The following DMP1 variants were observed in gnomAD, a reference collection of about 807,000 sequenced individuals.
The protein encoded by DMP1 is dentin matrix protein 1.
A neutral mutation model predicts 14.6 loss-of-function variants in DMP1; 20 were observed. The observed-to-expected ratio is 1.37, with a 90% CI of 0.96 to 1.99. The LOEUF is 1.99. Ranked by LOEUF, DMP1 falls within the 30% of genes most tolerant of loss-of-function variation. The pLI is 0.00. For synonymous variants in DMP1, 197 were observed against 215.3 expected (o/e 0.91, Z 0.75); for missense variants, 567 against 620.5 (o/e 0.91, Z 0.92).
In DMP1 at chr4:87,663,396, T is replaced by G; in HGVS notation, c.*76T>G. ...GAAAATGTATCATGATAACTATAAT[T>G]TATTGATGTTTTGATCAAAAGAATA... On this transcript the variant is annotated 3_prime_UTR_variant, in exon 6 of 6. Coordinates refer to ENST00000339673, the MANE Select transcript of DMP1 (RefSeq NM_004407.4). 1 of 1,603,788 alleles carries G rather than the reference T, an allele frequency of 6.2e-7. No homozygotes were observed. The highest frequency in any genetic ancestry group is 8.5e-7 in the Non-Finnish European group (1 of 1,172,366).
rs762700965 is a variant in DMP1, at chr4:87,663,107, G to C, written c.1329G>C (p.Gln443His). ...LQSHSSSAES[Q>H]SEESHSEEDD... ...CTCACAGCAGCTCAGCAGAGAGTCA[G>C]AGCGAGGAAAGCCATTCTGAGGAAG... The change falls in exon 6 of 6, where the codon CAG becomes CAC. Residue 443 changes from glutamine (Q) to histidine (H), a missense_variant. Transcript: ENST00000339673. 12 of 1,614,214 alleles carry C rather than the reference G, an allele frequency of 7.4e-6. No individual in the cohort carries two copies. The South Asian group carries it at 1.3e-4, about 18-fold the overall frequency.
intron 3 of DMP1, 152 bp from the exon 4 acceptor site, chr4:87,659,068 C>A (rs1728780092): frequency 1.3e-6 from 1 of 761,136 alleles, no homozygotes; most frequent in Non-Finnish European, 2.2e-6. Flanking sequence ...CTTTTGGAAC[C>A]ATTTCATCAT....
At chr4:87,655,757 G>C (rs1244211183) in intron 1 of DMP1, among the ~76,000 whole-genome samples, 1 of 152,050 alleles carries the variant, frequency 6.6e-6, no homozygotes, top group African/African-American at 2.4e-5. Flanking sequence ...AATAAGTGTA[G>C]TTTTTTAGGG....
At position 87,663,810 on chromosome 4, in the gene DMP1, A is replaced by G. The variant is rs1052353660; in HGVS notation, c.*490A>G. 1.6e-5 allele frequency: 3 copies of G among 190,470 alleles called. No homozygotes were observed. Among genetic ancestry groups the G allele is most frequent in the African/African-American group, 7.1e-5 (3 of 42,268 alleles). 11.8% of individuals were successfully genotyped at this position (190,470 alleles called of 1,614,324 possible). A position where few individuals can be genotyped will look rare whatever the true frequency, so the allele number is the denominator to read the frequency against. On this transcript the variant is annotated 3_prime_UTR_variant, in exon 6 of 6. Transcript: ENST00000339673. ...GCCAAGACAGAGAGCTATGAACACG[A>G]TATCTATCTGGGAACACTGAGAAGG...
intron 3 of DMP1, among the ~76,000 whole-genome samples, chr4:87,658,478 T>C (rs1188028376): frequency 6.6e-6 from 1 of 152,270 alleles, no homozygotes; most frequent in East Asian, 1.9e-4. Flanking sequence ...CATTTGTTTT[T>C]AATACCAGGG....
Position 87,657,076 on chromosome 4 carries a change from GA to G in DMP1, c.101del (p.Lys34ArgfsTer54). 6.5e-7 allele frequency: 1 copy of G among 1,531,422 alleles called. No individual in the cohort carries two copies. The highest frequency in any genetic ancestry group is 9.0e-7 in the Non-Finnish European group (1 of 1,105,438). 94.9% of individuals were successfully genotyped at this position (1,531,422 alleles called of 1,614,324 possible). A position where few individuals can be genotyped will look rare whatever the true frequency, so the allele number is the denominator to read the frequency against. On this transcript the variant is annotated frameshift_variant and splice_region_variant, in exon 3 of 6. Transcript: ENST00000339673. LOFTEE classifies it high-confidence loss of function. ...NNESEDSEEW[K>X]GHLAQAPTPP... ...ATGAATCTGAGGATTCTGAAGAATG[GA>G]AGGTGAGTAGAAATATGACTTTTTG...
intron 5 of DMP1, among the ~76,000 whole-genome samples, chr4:87,661,567 G>A (rs1376077832): frequency 6.6e-6 from 1 of 151,218 alleles, no homozygotes; most frequent in East Asian, 1.9e-4. Flanking sequence ...CACCATGTTG[G>A]CCAAGATGGT....
At chr4:87,658,490 T>C (rs1196056101) in intron 3 of DMP1, among the ~76,000 whole-genome samples, 2 of 152,246 alleles carry the variant, frequency 1.3e-5, no homozygotes, top group Non-Finnish European at 2.9e-5. Context: ...ATACCAGGGC[T>C]TTTACATGAC....
rs753043959 is a variant in DMP1 at position 87,662,223 on chromosome 4, G to A, written c.445G>A (p.Glu149Lys). The A allele has an allele frequency of 6.2e-7, 1 of 1,614,234 alleles. No individual in the cohort carries two copies. The highest frequency in any genetic ancestry group is 8.5e-7 in the Non-Finnish European group (1 of 1,180,054). ...TGATGACACCATACAAGCCAGTGAAGAGAGTGCCCCACAAGGGCAAGACAG... is the reference window on the plus strand; with the variant it reads ...TGATGACACCATACAAGCCAGTGAAAAGAGTGCCCCACAAGGGCAAGACAG... ...DSDDTIQASEESAPQGQDSAQ... is the reference protein window; with the variant it reads ...DSDDTIQASEKSAPQGQDSAQ... Residue 149 changes from glutamate to lysine, a missense_variant, in exon 6 of 6, where the codon GAG (glutamate) becomes AAG (lysine). Physicochemically the swap from Glu to Lys is moderately conservative, Grantham distance 56. Coordinates refer to ENST00000339673, the MANE Select transcript of DMP1 (RefSeq NM_004407.4).
intron 1 of DMP1, among the ~76,000 whole-genome samples, chr4:87,651,229 T>G (rs80236683): frequency 0.02 from 3,012 of 152,236 alleles, 117 homozygotes; most frequent in African/African-American, 0.068. Flanking sequence ...AACAAACTAT[T>G]TTCTAAAGGG....
rs1395977176 is a variant in DMP1, at chr4:87,662,464, A to T, written c.686A>T (p.Asn229Ile). 2 of 1,614,072 alleles carry T rather than the reference A, an allele frequency of 1.2e-6. No homozygotes were observed. Among genetic ancestry groups the T allele is most frequent in the Admixed American group, 1.7e-5 (1 of 60,010 alleles). Reference protein sequence around the residue: ...DPESIRSERGNSRMNSAGMKS... With the variant: ...DPESIRSERGISRMNSAGMKS... ...GAGAGCATCAGGAGTGAAAGGGGAA[A>T]CTCCAGAATGAACAGTGCAGGCATG... Residue 229 changes from asparagine (N) to isoleucine (I), a missense_variant, in exon 6 of 6, where the codon AAC (asparagine) becomes ATC (isoleucine). Coordinates refer to ENST00000339673, the MANE Select transcript of DMP1 (RefSeq NM_004407.4).
chr4:87,661,961 G>A lies in DMP1; in HGVS notation c.184-1G>A, dbSNP rs746846045. The A allele has an allele frequency of 1.9e-6, 3 of 1,614,124 alleles. No individual in the cohort carries two copies. On this transcript the variant is annotated splice_acceptor_variant, in intron 5 of 5. Transcript: ENST00000339673. LOFTEE classifies it high-confidence loss of function. The stretch of plus-strand genomic sequence containing the variant: ...CCATATCTGTTAACCCCAAATTCTA[G>A]GCAAATGAAGACCCCAGTGACAGCA...
At chr4:87,651,773 CTTGAA>C (rs1728535947) in intron 1 of DMP1, among the ~76,000 whole-genome samples, 1 of 151,990 alleles carries the variant, frequency 6.6e-6, no homozygotes, top group Non-Finnish European at 1.5e-5. Context: ...CAGTTGTGTT[CTTGAA>C]GATAACAATA....
At chr4:87,651,628 G>T (rs1728532463) in intron 1 of DMP1, among the ~76,000 whole-genome samples, 1 of 151,968 alleles carries the variant, frequency 6.6e-6, no homozygotes, top group Non-Finnish European at 1.5e-5. Context: ...TACATTTACA[G>T]GTTGTACATG....
chr4:87,661,937 C>A, intron 5 of DMP1, 25 bp from the exon 6 acceptor site: 1 of 1,614,078 alleles, frequency 6.2e-7, no homozygotes, highest in Non-Finnish European at 8.5e-7. Context: ...GAATACTGAC[C>A]ATATCTGTTA....
chr4:87,653,386 G>GATATATATATATATATATAT (rs57266829), intron 1 of DMP1, among the ~76,000 whole-genome samples: 1 of 57,728 alleles, frequency 1.7e-5, no homozygotes, highest in Non-Finnish European at 3.6e-5. Context: ...ATTATCGAGT[G>GATATATATATATATATATAT]ATATATATAT....
chr4:87,659,779 T>C (rs776020870), intron 5 of DMP1, among the ~76,000 whole-genome samples: 2 of 152,200 alleles, frequency 1.3e-5, no homozygotes, highest in African/African-American at 2.4e-5. Flanking sequence ...AAATGGTCAT[T>C]GACCATGTCA....
chr4:87,656,534 C>G lies in DMP1; in HGVS notation c.42C>G (p.Ser14=). 1 of 1,608,096 alleles carries G rather than the reference C, an allele frequency of 6.2e-7. No homozygotes were observed. The part of the protein sequence containing the change: ...SILLMFLWGL[S]CALPVTRYQN... ...TGCTCATGTTCCTTTGGGGATTATC[C>G]TGTGCTCTCCCAGTAAGTATTAGGG... The change falls in exon 2 of 6, where the codon TCC becomes TCG. Residue 14 remains serine (S), a synonymous_variant. Transcript: ENST00000339673.
chr4:87,659,074 A>T, intron 3 of DMP1, 146 bp from the exon 4 acceptor site: 1 of 794,802 alleles, frequency 1.3e-6, no homozygotes, highest in Non-Finnish European at 2.1e-6. Context: ...GAACCATTTC[A>T]TCATAAAATT....
Sources: gnomAD v4.1 joint callset for allele counts (sites outside exome capture counted in the v4.1 genomes callset) on GRCh38, gnomAD v4.1.1 for gene constraint, MANE v1.5 for transcripts, NCBI Gene and HGNC (gene_info 2026-07-23, HGNC 2026-07-21) for gene names.